KITLG: variants seen among roughly 807,000 people sequenced by gnomAD.
The protein encoded by KITLG is c-Kit ligand.
In KITLG, 13 loss-of-function variants were observed where a neutral mutation model predicts 34.1. That is an observed-to-expected ratio of 0.38 (90% CI 0.25 to 0.61). The LOEUF (loss-of-function observed/expected upper bound fraction) is 0.61. Among genes scored for constraint, KITLG ranks in the 20% least tolerant of loss-of-function variants. KITLG has a pLI of 0.60. For missense variants in KITLG, 292 were observed against 318.9 expected (o/e 0.92, Z 0.64); for synonymous variants, 110 against 104.0 (o/e 1.06, Z -0.35).
chr12:88,566,139 T>TTCTC (rs1871435122), intron 1 of KITLG, among the ~76,000 whole-genome samples: 1 of 152,214 alleles, frequency 6.6e-6, no homozygotes, highest in Non-Finnish European at 1.5e-5. Context: ...CATTTATCAT[T>TTCTC]TCTCTCTCTG....
At chr12:88,543,518 T>A (rs1870595859) in intron 2 of KITLG, among the ~76,000 whole-genome samples, 1 of 152,180 alleles carries the variant, frequency 6.6e-6, no homozygotes, top group Non-Finnish European at 1.5e-5. Flanking sequence ...CTATTATTGA[T>A]GGACATTTGG....
intron 1 of KITLG, among the ~76,000 whole-genome samples, chr12:88,576,199 A>G (rs1346493391): frequency 6.6e-6 from 1 of 152,200 alleles, no homozygotes; most frequent in East Asian, 1.9e-4. Flanking sequence ...ATTCATTTGT[A>G]CTTTAAAAGA....
chr12:88,496,666 T>C lies in KITLG; in HGVS notation c.*553A>G, dbSNP rs1868651764. On this transcript the variant is annotated 3_prime_UTR_variant, in exon 10 of 10. Transcript: ENST00000644744. ...AATCGGCAACTATAAAGCTGACATGTTGCCAAATCCAATCACAGTTCCCAC... is the reference window on the plus strand; with the variant it reads ...AATCGGCAACTATAAAGCTGACATGCTGCCAAATCCAATCACAGTTCCCAC... 6.6e-6 allele frequency: 1 copy of C among 152,662 alleles called. No individual in the cohort carries two copies. Among genetic ancestry groups the C allele is most frequent in the Admixed American group, 6.6e-5 (1 of 15,264 alleles). The allele number at this position is 152,662 out of a possible 1,614,324, so 9.5% of individuals were successfully genotyped here.
chr12:88,570,446 G>C (rs1470457909), intron 1 of KITLG, among the ~76,000 whole-genome samples: 4 of 151,922 alleles, frequency 2.6e-5, no homozygotes, highest in Non-Finnish European at 5.9e-5. Context: ...TCAACCAGAG[G>C]ACTCAGCTTT....
intron 6 of KITLG, 126 bp from the exon 7 acceptor site, chr12:88,507,263 A>C (rs1869101514): frequency 3.1e-6 from 2 of 655,246 alleles, no homozygotes; most frequent in African/African-American, 3.6e-5. Flanking sequence ...AAGTATTCAA[A>C]AGATTGATTT....
chr12:88,520,769 T>C (rs1869629187), intron 3 of KITLG, among the ~76,000 whole-genome samples: 1 of 152,194 alleles, frequency 6.6e-6, no homozygotes, highest in Non-Finnish European at 1.5e-5. Flanking sequence ...CTGCCACTTC[T>C]GTTGATCACT....
At chr12:88,579,291 C>A (rs955577942) in intron 1 of KITLG, among the ~76,000 whole-genome samples, 10 of 152,186 alleles carry the variant, frequency 6.6e-5, no homozygotes, top group African/African-American at 2.4e-4. Context: ...CAATCTCCAA[C>A]AGAACCTCTG....
At chr12:88,556,425 G>A (rs536680762) in intron 1 of KITLG, among the ~76,000 whole-genome samples, 146 of 152,232 alleles carry the variant, frequency 9.6e-4, no homozygotes, top group African/African-American at 3.3e-3. Flanking sequence ...GGGGCATGAG[G>A]CCCATTAGGA....
At chr12:88,550,254 T>C (rs937374376) in intron 1 of KITLG, among the ~76,000 whole-genome samples, 5 of 152,042 alleles carry the variant, frequency 3.3e-5, no homozygotes, top group African/African-American at 1.2e-4. Flanking sequence ...TGAAGAGAGT[T>C]TTATTTGTAA....
At chr12:88,548,139 C>A (rs1870777793) in intron 1 of KITLG, among the ~76,000 whole-genome samples, 1 of 152,108 alleles carries the variant, frequency 6.6e-6, no homozygotes, top group Non-Finnish European at 1.5e-5. Flanking sequence ...TGCCCAGCAC[C>A]AAGTGTACTG....
Position 88,567,836 on chromosome 12 carries a change from T to C in KITLG, c.15+12428A>G, listed in dbSNP as rs528639312. Reference sequence around the variant, plus strand: ...ACTATTATAAACCTCATTTTACAAGTGAGAAAATCAGAATGTTATCCGAAG... The same window carrying C: ...ACTATTATAAACCTCATTTTACAAGCGAGAAAATCAGAATGTTATCCGAAG... On this transcript the variant is annotated intron_variant, in intron 1 of 9. Transcript: ENST00000644744. 2.0e-5 allele frequency among the ~76,000 whole-genome samples: 3 copies of C among 152,228 alleles called. No individual in the cohort carries two copies. In the East Asian group the frequency reaches 5.8e-4, roughly 29 times the overall value.
chr12:88,579,901 G>A (rs973900926), intron 1 of KITLG, among the ~76,000 whole-genome samples: 1 of 152,220 alleles, frequency 6.6e-6, no homozygotes, highest in Non-Finnish European at 1.5e-5. Flanking sequence ...TGGAATCCAC[G>A]GGAAAACCGT....
Position 88,533,639 on chromosome 12 carries a change from A to G in KITLG, c.130-1136T>C, listed in dbSNP as rs370117900. Among the ~76,000 whole-genome samples, 20 of 152,252 alleles carry G rather than the reference A, an allele frequency of 1.3e-4. No individual in the cohort carries two copies. The South Asian group carries it at 4.1e-3, about 32-fold the overall frequency. ...TTAAAAAGTAGTTTTGCACCATTAC[A>G]TCTTCAAGGGTCTATCTTGCTTTGT... is the stretch of plus-strand genomic sequence containing the variant. On this transcript the variant is annotated intron_variant, in intron 2 of 9. Transcript: ENST00000644744.
chr12:88,562,970 A>G (rs548541141), intron 1 of KITLG, among the ~76,000 whole-genome samples: 10 of 152,322 alleles, frequency 6.6e-5, no homozygotes, highest in African/African-American at 1.9e-4. Flanking sequence ...GAAAACACTG[A>G]AAGTATCACA....
At chr12:88,552,243 C>T (rs989570108) in intron 1 of KITLG, among the ~76,000 whole-genome samples, 17 of 150,034 alleles carry the variant, frequency 1.1e-4, no homozygotes, top group Admixed American at 3.3e-4. Context: ...GGTGCAATCT[C>T]GGCTCACTGC....
chr12:88,548,347 G>A (rs1405067526), intron 1 of KITLG, among the ~76,000 whole-genome samples: 4 of 152,006 alleles, frequency 2.6e-5, no homozygotes, highest in African/African-American at 9.7e-5. Flanking sequence ...CCAGGTACTC[G>A]GGAGGCTGAG....
chr12:88,580,459 C>A lies in KITLG; in HGVS notation c.-181G>T, dbSNP rs983118969. The A allele has an allele frequency of 2.8e-5, 21 of 755,504 alleles. No homozygotes were observed. The highest frequency in any genetic ancestry group is 5.3e-5 in the Admixed American group (2 of 37,802). The allele number at this position is 755,504 out of a possible 1,614,324, so 46.8% of individuals were successfully genotyped here. A position where few individuals can be genotyped will look rare whatever the true frequency, so the allele number is the denominator to read the frequency against. On this transcript the variant is annotated 5_prime_UTR_variant, in exon 1 of 10. Coordinates refer to ENST00000644744, the MANE Select transcript of KITLG (RefSeq NM_000899.5). ...CAGCGCTTCTAGTCTCGGCGCGAGGCGGCGAGCGAAGCCCGGCTGCTGAGC... is the reference window on the plus strand; with the variant it reads ...CAGCGCTTCTAGTCTCGGCGCGAGGAGGCGAGCGAAGCCCGGCTGCTGAGC...
At chr12:88,579,169 A>G (rs1871926885) in intron 1 of KITLG, among the ~76,000 whole-genome samples, 1 of 152,186 alleles carries the variant, frequency 6.6e-6, no homozygotes, top group Admixed American at 6.5e-5. Context: ...AGGTCATTTG[A>G]TAAAGCATTT....
intron 3 of KITLG, among the ~76,000 whole-genome samples, chr12:88,528,756 G>T (rs1239407546): frequency 6.6e-6 from 1 of 152,180 alleles, no homozygotes; most frequent in African/African-American, 2.4e-5. Flanking sequence ...TAAAGCAAAT[G>T]AGGCAGAATG....
Sources: allele counts gnomAD v4.1 joint callset (sites outside exome capture counted in the v4.1 genomes callset), GRCh38; gene constraint gnomAD v4.1.1; transcripts MANE v1.5; gene names NCBI Gene and HGNC (gene_info 2026-07-23, HGNC 2026-07-21).